SLC22A3: variants seen among roughly 807,000 people sequenced by gnomAD.
The protein encoded by SLC22A3 is EMT organic cation transporter 3.
SLC22A3 carries 51 observed loss-of-function variants against 59.1 expected under a neutral mutation model. The ratio of observed to expected loss-of-function variants is 0.86; its 90% confidence interval spans 0.69 to 1.09. The LOEUF (loss-of-function observed/expected upper bound fraction) is 1.09, where lower values mean the gene tolerates loss of function less well. Among genes scored for constraint, SLC22A3 ranks in the 50% least tolerant of loss-of-function variants. The pLI is 0.00. For synonymous variants in SLC22A3, 325 were observed against 292.0 expected (o/e 1.11, Z -1.15); for missense variants, 711 against 726.3 (o/e 0.98, Z 0.24).
chr6:160,365,626 C>G (rs1785178019), intron 1 of SLC22A3, among the ~76,000 whole-genome samples: 1 of 152,250 alleles, frequency 6.6e-6, no homozygotes, highest in Admixed American at 6.5e-5. Flanking sequence ...GATGGCTAAC[C>G]TTACACTTGA....
At chr6:160,369,000 C>A (rs995308934) in intron 1 of SLC22A3, among the ~76,000 whole-genome samples, 1 of 152,184 alleles carries the variant, frequency 6.6e-6, no homozygotes, top group African/African-American at 2.4e-5. Context: ...AATCTGAAAT[C>A]TGGAGCTGGT....
At chr6:160,395,876 G>A (rs1490614795) in intron 1 of SLC22A3, among the ~76,000 whole-genome samples, 1 of 152,158 alleles carries the variant, frequency 6.6e-6, no homozygotes, top group African/African-American at 2.4e-5. Flanking sequence ...TTATGAATAT[G>A]TATTTATGAG....
chr6:160,400,810 G>T (rs769258871), intron 2 of SLC22A3, among the ~76,000 whole-genome samples: 1 of 151,886 alleles, frequency 6.6e-6, no homozygotes, highest in Non-Finnish European at 1.5e-5. Context: ...GAACAGTTGG[G>T]CTATGTAAGT....
At chr6:160,446,970 T>C (rs1459519245) in intron 9 of SLC22A3, among the ~76,000 whole-genome samples, 2 of 152,170 alleles carry the variant, frequency 1.3e-5, no homozygotes, top group East Asian at 1.9e-4. Flanking sequence ...ATTTAAACCA[T>C]GCACATTGGC....
intron 1 of SLC22A3, among the ~76,000 whole-genome samples, chr6:160,397,439 T>C (rs998293550): frequency 6.6e-6 from 1 of 151,774 alleles, no homozygotes; most frequent in Non-Finnish European, 1.5e-5. Context: ...TCAATACGCT[T>C]AAAAGAATGA....
At chr6:160,380,315 G>A (rs1024351667) in intron 1 of SLC22A3, among the ~76,000 whole-genome samples, 4 of 151,940 alleles carry the variant, frequency 2.6e-5, no homozygotes, top group African/African-American at 9.7e-5. Context: ...ATTCTTATAG[G>A]TTTAGTATCC....
Position 160,407,083 on chromosome 6 carries a change from T to G in SLC22A3, c.576T>G (p.Val192=). Residue 192 remains valine, a synonymous_variant, in exon 3 of 11, where the codon GTT becomes GTG. Transcript: ENST00000275300. ...TTTACTTGCTATCCTGCCTTGGTGTTGGCGTCACTGGGGTTGTGGTGGCCT... is the reference window on the plus strand; with the variant it reads ...TTTACTTGCTATCCTGCCTTGGTGTGGGCGTCACTGGGGTTGTGGTGGCCT... The part of the protein sequence containing the change: ...IVIYLLSCLG[V]GVTGVVVAFA... 1 of 1,613,130 alleles carries G rather than the reference T, an allele frequency of 6.2e-7. No individual in the cohort carries two copies.
intron 5 of SLC22A3, among the ~76,000 whole-genome samples, chr6:160,427,942 A>C (rs529369829): frequency 1.3e-5 from 2 of 152,156 alleles, no homozygotes; most frequent in African/African-American, 4.8e-5. Flanking sequence ...GATTTCGATG[A>C]CATGTTGGAT....
In SLC22A3 at chr6:160,437,090, G is replaced by A. The variant is rs1788368238; in HGVS notation, c.1167G>A (p.Val389=). Reference sequence around the variant, plus strand: ...TAGACTTTTTCATCTCGGGCGTGGTGGAACTGCCAGGAGCTCTCTTGATCT... The same window carrying A: ...TAGACTTTTTCATCTCGGGCGTGGTAGAACTGCCAGGAGCTCTCTTGATCT... The part of the protein sequence containing the change: ...LYIDFFISGV[V]ELPGALLILL... Residue 389 remains valine, a synonymous_variant, in exon 7 of 11, where the codon GTG becomes GTA. Transcript: ENST00000275300. The A allele has an allele frequency of 6.2e-7, 1 of 1,614,038 alleles. No homozygotes were observed. Among genetic ancestry groups the A allele is most frequent in the African/African-American group, 1.3e-5 (1 of 74,906 alleles).
chr6:160,370,000 C>T (rs1362220822), intron 1 of SLC22A3, among the ~76,000 whole-genome samples: 1 of 152,166 alleles, frequency 6.6e-6, no homozygotes, highest in African/African-American at 2.4e-5. Context: ...GTCAGTTGGG[C>T]CCTCAGTTAG....
intron 5 of SLC22A3, among the ~76,000 whole-genome samples, chr6:160,421,899 TC>T (rs1373892369): frequency 4.6e-5 from 7 of 152,218 alleles, no homozygotes; most frequent in Admixed American, 3.9e-4. Context: ...TTTGGTCCAT[TC>T]TTGTGTTTTC....
chr6:160,442,982 T>C, intron 8 of SLC22A3, 113 bp downstream of exon 8: 2 of 804,084 alleles, frequency 2.5e-6, no homozygotes. Flanking sequence ...TATATTAGCC[T>C]AGGCTGAATC....
chr6:160,431,344 C>T (rs1317236686), intron 5 of SLC22A3, among the ~76,000 whole-genome samples: 3 of 152,280 alleles, frequency 2.0e-5, no homozygotes, highest in Admixed American at 1.3e-4. Context: ...ATCCAAGATA[C>T]GGTTTTAAGT....
At chr6:160,413,348 C>A (rs1787334708) in intron 5 of SLC22A3, among the ~76,000 whole-genome samples, 1 of 152,158 alleles carries the variant, frequency 6.6e-6, no homozygotes. Context: ...ACTATGGGAT[C>A]CAGTGGCTTC....
chr6:160,348,895 T>C, intron 1 of SLC22A3, 47 bp downstream of exon 1: 1 of 1,538,770 alleles, frequency 6.5e-7, no homozygotes, highest in Non-Finnish European at 8.7e-7. Context: ...AGGACGATGC[T>C]GGCTCCCAGG....
intron 1 of SLC22A3, among the ~76,000 whole-genome samples, chr6:160,383,783 TGTTTTAAAAA>T (rs756788277): frequency 1.3e-3 from 200 of 151,654 alleles, no homozygotes; most frequent in Non-Finnish European, 2.3e-3. Flanking sequence ...ATAGAATATA[TGTTTTAAAAA>T]GCAAAAAAAA....
At chr6:160,351,101 T>C (rs637614) in intron 1 of SLC22A3, among the ~76,000 whole-genome samples, 76,229 of 152,018 alleles carry the variant, frequency 0.5, 19,431 homozygotes, top group African/African-American at 0.59. Flanking sequence ...ATTGGAGAGA[T>C]TCTTTTTTGT....
At chr6:160,368,708 A>G (rs935555677) in intron 1 of SLC22A3, among the ~76,000 whole-genome samples, 3 of 151,556 alleles carry the variant, frequency 2.0e-5, no homozygotes, top group Non-Finnish European at 4.4e-5. Context: ...CTGTTCACTC[A>G]CCTCCTCACC....
Position 160,410,822 on chromosome 6 carries a change from A to G in SLC22A3, c.951A>G (p.Lys317=), listed in dbSNP as rs1787217901. The G allele has an allele frequency of 6.2e-7, 1 of 1,606,704 alleles. No individual in the cohort carries two copies. The change falls in exon 5 of 11, where the codon AAA becomes AAG. Residue 317 remains lysine, a synonymous_variant. Transcript: ENST00000275300. ...GACGCATTGCTAAGTGCAATGGGAA[A>G]TACCTCTCATCAAATTACTCAGAGG... ...ILRRIAKCNG[K]YLSSNYSEIT... is the part of the protein sequence containing the mutation.
Sources: allele counts gnomAD v4.1 joint callset (sites outside exome capture counted in the v4.1 genomes callset), GRCh38; gene constraint gnomAD v4.1.1; transcripts MANE v1.5; gene names NCBI Gene and HGNC (gene_info 2026-07-23, HGNC 2026-07-21).